IP6K1: variants seen among roughly 807,000 people sequenced by gnomAD.
IP6K1 encodes the protein inositol hexakisphosphate kinase 1, also known as ATP:1D-myo-inositol-hexakisphosphate phosphotransferase.
IP6K1 carries 13 observed loss-of-function variants against 38.3 expected under a neutral mutation model. The ratio of observed to expected loss-of-function variants is 0.34; its 90% CI spans 0.22 to 0.54. The LOEUF is 0.54. Ranked by LOEUF, IP6K1 falls within the 20% of genes least tolerant of loss-of-function variation. IP6K1 has a pLI of 0.92. For missense variants in IP6K1, 397 were observed against 599.8 expected, an observed-to-expected ratio of 0.66 and a Z score of 3.53; for synonymous variants, 212 against 229.9, an observed-to-expected ratio of 0.92 and a Z score of 0.70.
intron 1 of IP6K1, among the ~76,000 whole-genome samples, chr3:49,756,668 T>C (rs2080825842): frequency 1.3e-5 from 2 of 151,844 alleles, no homozygotes; most frequent in South Asian, 2.1e-4. Flanking sequence ...TACAAAAAAT[T>C]AGCCAGGCAT....
chr3:49,786,020 A>G (rs1037625030), intron 1 of IP6K1: 7 of 152,418 alleles, frequency 4.6e-5, no homozygotes, highest in East Asian at 1.9e-4. Flanking sequence ...CAGGAGCAAC[A>G]TAACTCCCAG....
Position 49,727,546 on chromosome 3 carries a change from A to C in IP6K1, c.902T>G (p.Leu301Arg), listed in dbSNP as rs779513668. The change falls in exon 6 of 6, where the codon CTG becomes CGG. Residue 301 changes from leucine to arginine, a missense_variant. Leu to Arg is a moderately radical substitution (Grantham distance 102). This residue lies in a region of IP6K1 where 164 missense variants were observed against 213.5 expected (regional missense o/e 0.77). Coordinates refer to ENST00000321599, the MANE Select transcript of IP6K1 (RefSeq NM_153273.4). This position sits in a 1 kb window ranked among gnomAD's most constrained non-coding sequence, Gnocchi z 5.9. ...NALYQYLHNG[L>R]DLRRDLFEPI... ...CTCAAACAGGTCACGTCGCAGGTCC[A>C]GGCCATTGTGCAGATATTGATAGAG... 6.2e-7 allele frequency: 1 copy of C among 1,614,228 alleles called. No individual in the cohort carries two copies. The highest frequency in any genetic ancestry group is 8.5e-7 in the Non-Finnish European group (1 of 1,180,034).
intron 1 of IP6K1, among the ~76,000 whole-genome samples, chr3:49,780,309 T>TACACACACACACACACACAC (rs71080553): frequency 0.093 from 10,867 of 117,468 alleles, 1,077 homozygotes; most frequent in South Asian, 0.15. Context: ...TCATCTTTCA[T>TACACACACACACACACACAC]ACACACACAC....
chr3:49,754,706 G>A (rs1338413780), intron 1 of IP6K1, among the ~76,000 whole-genome samples: 2 of 152,054 alleles, frequency 1.3e-5, no homozygotes, highest in African/African-American at 2.4e-5. Context: ...ATATAGTGGC[G>A]AACAAGGTCA....
In IP6K1 at chr3:49,774,407, C is replaced by CAAAA. The variant is rs777187857; in HGVS notation, c.-129+11943_-129+11946dup. On this transcript the variant is annotated intron_variant, in intron 1 of 5. Coordinates refer to ENST00000321599, the MANE Select transcript of IP6K1 (RefSeq NM_153273.4). Reference sequence around the variant, plus strand: ...TGGGCGAAAGAGCTAGACTCCATCTCAAAAAAAAAAAAAAAAAAAAAAGAA... The same window carrying CAAAA: ...TGGGCGAAAGAGCTAGACTCCATCTCAAAAAAAAAAAAAAAAAAAAAAAAAAGAA... 4.7e-3 allele frequency among the ~76,000 whole-genome samples: 206 copies of CAAAA among 44,206 alleles called. 8 individuals carry two copies. The highest frequency in any genetic ancestry group is 7.4e-3 in the Non-Finnish European group (157 of 21,312). 29.0% of individuals were successfully genotyped at this position (44,206 alleles called of 152,430 possible).
chr3:49,736,965 G>T (rs1446192083), intron 3 of IP6K1, among the ~76,000 whole-genome samples: 2 of 151,530 alleles, frequency 1.3e-5, no homozygotes, highest in African/African-American at 4.9e-5. Context: ...GTAGAGACAG[G>T]GTTTCACCGT....
intron 1 of IP6K1, chr3:49,775,532 C>G: frequency 9.7e-7 from 1 of 1,036,176 alleles, no homozygotes; most frequent in African/African-American, 1.6e-5. Context: ...ATAGAGATGG[C>G]TGCCCAAAGA....
rs139564570 is a variant in IP6K1, at chr3:49,748,007, A to G, written c.34T>C (p.Tyr12His). Residue 12 changes from tyrosine (Y) to histidine (H), a missense_variant, in exon 2 of 6, where the codon TAT becomes CAT. Coordinates refer to ENST00000321599, the MANE Select transcript of IP6K1 (RefSeq NM_153273.4). ...CVCQTMEVGQ[Y>H]GKNASRAGDR... ...CCAGCCCGACTTGCATTCTTGCCAT[A>G]CTGCCCCACTTCCATGGTTTGACAA... 2,671 of 1,613,748 alleles carry G rather than the reference A, an allele frequency of 1.7e-3. 4 individuals are homozygous for G. The highest frequency in any genetic ancestry group is 2.0e-3 in the Non-Finnish European group (2,364 of 1,180,042).
intron 1 of IP6K1, among the ~76,000 whole-genome samples, chr3:49,750,846 A>G (rs1386774082): frequency 6.6e-6 from 1 of 152,202 alleles, no homozygotes; most frequent in Non-Finnish European, 1.5e-5. Context: ...TGTCAACATG[A>G]AGTCATGGCA....
chr3:49,769,091 G>A (rs2080935193), intron 1 of IP6K1, among the ~76,000 whole-genome samples: 2 of 152,082 alleles, frequency 1.3e-5, no homozygotes, highest in Non-Finnish European at 1.5e-5. Context: ...TAAAAACAAT[G>A]AAATAATGTA....
intron 3 of IP6K1, 59 bp from the exon 4 acceptor site, chr3:49,733,031 C>T (rs1197767792): frequency 1.0e-5 from 14 of 1,345,156 alleles, no homozygotes; most frequent in Admixed American, 8.9e-5. Context: ...CTCTGGGGTC[C>T]CGCTGCACAG....
At position 49,732,827 on chromosome 3, in the gene IP6K1, G is replaced by A. The variant is rs2080575208; in HGVS notation, c.580C>T (p.Arg194Cys). ...SLRCHKQQLS[R>C]MRSESKDRKL... ...CGGTCCTTGGACTCGGAGCGCATGC[G>A]GCTCAGCTGCTGCTTGTGACAACGC... is the stretch of plus-strand genomic sequence containing the variant. The change falls in exon 4 of 6, where the codon CGC becomes TGC. Residue 194 changes from arginine (R) to cysteine (C), a missense_variant. Physicochemically the swap from Arg to Cys is radical, Grantham distance 180. Around this residue, in one of 3 missense-constraint regions of IP6K1, gnomAD observed 62 missense variants for 149.2 expected, o/e 0.42. Coordinates refer to ENST00000321599, the MANE Select transcript of IP6K1 (RefSeq NM_153273.4). 9.3e-6 allele frequency: 15 copies of A among 1,613,962 alleles called. No homozygotes were observed. The highest frequency in any genetic ancestry group is 1.3e-5 in the Non-Finnish European group (15 of 1,179,898).
At chr3:49,739,000 AGTT>A (rs374083456) in intron 2 of IP6K1, among the ~76,000 whole-genome samples, 200 of 152,290 alleles carry the variant, frequency 1.3e-3, no homozygotes, top group African/African-American at 4.6e-3. Context: ...TATCCGTAAT[AGTT>A]TTTTGTGCCC....
At chr3:49,760,087 G>C (rs941752204) in intron 1 of IP6K1, among the ~76,000 whole-genome samples, 1 of 151,970 alleles carries the variant, frequency 6.6e-6, no homozygotes, top group Non-Finnish European at 1.5e-5. Context: ...GTAGAGATGA[G>C]GTCTCACTTT....
rs922109964 is a variant in IP6K1, at chr3:49,726,479, C to T, written c.*643G>A. 5 of 152,336 alleles carry T rather than the reference C, an allele frequency of 3.3e-5. No individual in the cohort carries two copies. Among genetic ancestry groups the T allele is most frequent in the African/African-American group, 9.6e-5 (4 of 41,466 alleles). The allele number at this position is 152,336 out of a possible 1,614,324, so 9.4% of individuals were successfully genotyped here. A position where few individuals can be genotyped will look rare whatever the true frequency, so the allele number is the denominator to read the frequency against. ...GAATAGGACAGGTGCCAACCTGTCA[C>T]GTGCCAACAGGTGCCTGGGGAACCC... is the stretch of plus-strand genomic sequence containing the variant. On this transcript the variant is annotated 3_prime_UTR_variant, in exon 6 of 6. Transcript: ENST00000321599.
chr3:49,785,273 C>CG (rs1279473000), intron 1 of IP6K1, among the ~76,000 whole-genome samples: 1 of 135,592 alleles, frequency 7.4e-6, no homozygotes, highest in Non-Finnish European at 1.6e-5. Context: ...TTTGGGAGGC[C>CG]AAGGGGGGTG....
In IP6K1 at chr3:49,748,186, GGAA is replaced by G. The variant is rs1378725953; in HGVS notation, c.-128-21_-128-19del. 6.2e-6 allele frequency: 5 copies of G among 808,604 alleles called. No homozygotes were observed. Among genetic ancestry groups the G allele is most frequent in the Non-Finnish European group, 9.8e-6 (5 of 511,062 alleles). The allele number at this position is 808,604 out of a possible 1,614,324, so 50.1% of individuals were successfully genotyped here. ...ATTCTGTCCTACAGAAAAGAAGAGA[GGAA>G]GAAGGAATCAAAACACTGGGTGAGT... On this transcript the variant is annotated intron_variant, in intron 1 of 5. Coordinates refer to ENST00000321599, the MANE Select transcript of IP6K1 (RefSeq NM_153273.4).
At chr3:49,785,062 C>T (rs1443644392) in intron 1 of IP6K1, among the ~76,000 whole-genome samples, 1 of 152,152 alleles carries the variant, frequency 6.6e-6, no homozygotes, top group Admixed American at 6.5e-5. Flanking sequence ...TACAAAGAAC[C>T]AAAGAGGCCA....
chr3:49,742,320 G>A (rs989809605), intron 2 of IP6K1, among the ~76,000 whole-genome samples: 1 of 151,488 alleles, frequency 6.6e-6, no homozygotes, highest in East Asian at 2.0e-4. Context: ...GAGGCTGAGG[G>A]GGGCGGATCA....
Sources: allele counts gnomAD v4.1 joint callset (sites outside exome capture counted in the v4.1 genomes callset), GRCh38; gene constraint gnomAD v4.1.1; regional missense constraint gnomAD v4.1.1; non-coding constraint Gnocchi (gnomAD v3.1); transcripts MANE v1.5; gene names NCBI Gene and HGNC (gene_info 2026-07-23, HGNC 2026-07-21).